The following C1orf115 variants were observed in gnomAD, a reference collection of about 807,000 sequenced individuals.
C1orf115 encodes required for drug-induced death protein 1.
C1orf115 carries 14 observed loss-of-function variants against 12.5 expected under a neutral mutation model. That is an observed-to-expected ratio of 1.12 (90% CI 0.74 to 1.75). C1orf115 has a LOEUF of 1.75. C1orf115 is among the 40% of genes most tolerant of loss of function. The pLI, the probability that C1orf115 is intolerant of heterozygous loss-of-function variation, is 0.00. For missense variants in C1orf115, 237 were observed against 220.8 expected, an observed-to-expected ratio of 1.07 and a Z score of -0.46; for synonymous variants, 109 against 104.6, an observed-to-expected ratio of 1.04 and a Z score of -0.26.
rs745484837 is a variant in C1orf115 at position 220,690,607 on chromosome 1, G to A, written c.205G>A (p.Val69Met). ...CCCGGGGACCCGGGGCGCGCGGAGG[G>A]TGCACTTCGCCCTCCTGCCCGAGCG... Reference protein sequence around the residue: ...RGPGTRGARRVHFALLPERYE... With the variant: ...RGPGTRGARRMHFALLPERYE... Residue 69 changes from valine (V) to methionine (M), a missense_variant, in exon 1 of 2, where the codon GTG becomes ATG. Transcript: ENST00000294889. The A allele has an allele frequency of 2.0e-6, 3 of 1,535,454 alleles. No individual in the cohort carries two copies. Among genetic ancestry groups the A allele is most frequent in the South Asian group, 1.2e-5 (1 of 83,408 alleles).
intron 1 of C1orf115, among the ~76,000 whole-genome samples, chr1:220,693,716 G>C (rs1452115126): frequency 6.6e-6 from 1 of 152,130 alleles, no homozygotes; most frequent in Non-Finnish European, 1.5e-5. Flanking sequence ...ACATGCTCAG[G>C]ATACAGTAAT....
chr1:220,691,273 G>A (rs1388151979), intron 1 of C1orf115, among the ~76,000 whole-genome samples: 1 of 152,046 alleles, frequency 6.6e-6, no homozygotes, highest in Admixed American at 6.6e-5. Context: ...GTACTCTGGG[G>A]CCTTCAAAAC....
At chr1:220,693,113 C>T (rs1291930609) in intron 1 of C1orf115, among the ~76,000 whole-genome samples, 5 of 152,178 alleles carry the variant, frequency 3.3e-5, no homozygotes, top group Admixed American at 2.0e-4. Context: ...GAGACCCCAG[C>T]TCCCCTCTGA....
chr1:220,694,015 G>A (rs1670150193), intron 1 of C1orf115, among the ~76,000 whole-genome samples: 1 of 147,064 alleles, frequency 6.8e-6, no homozygotes, highest in South Asian at 2.2e-4. Context: ...GGGAGGTGGA[G>A]GTTGCAGTGA....
At chr1:220,696,094 A>G (rs1276860092) in intron 1 of C1orf115, among the ~76,000 whole-genome samples, 1 of 152,164 alleles carries the variant, frequency 6.6e-6, no homozygotes, top group African/African-American at 2.4e-5. Context: ...TTACATAGAT[A>G]TAGCAATTAG....
At chr1:220,693,386 G>T (rs748945106) in intron 1 of C1orf115, among the ~76,000 whole-genome samples, 6 of 152,102 alleles carry the variant, frequency 3.9e-5, no homozygotes, top group Non-Finnish European at 8.8e-5. Flanking sequence ...TTTAATGCAG[G>T]CGATTGTCAT....
chr1:220,691,355 G>A (rs961347599), intron 1 of C1orf115, among the ~76,000 whole-genome samples: 2 of 152,154 alleles, frequency 1.3e-5, no homozygotes, highest in Non-Finnish European at 2.9e-5. Flanking sequence ...TTTCCTTCGC[G>A]GAAATCAAAG....
At position 220,699,000 on chromosome 1, in the gene C1orf115, C is replaced by G. The variant is rs1355420181; in HGVS notation, c.*2269C>G. ...ATTGTGTCACAGATTACCTTTTTACCTTTTCTTTCTTTTTTTTTCTTTTTT... is the reference window on the plus strand; with the variant it reads ...ATTGTGTCACAGATTACCTTTTTACGTTTTCTTTCTTTTTTTTTCTTTTTT... On this transcript the variant is annotated 3_prime_UTR_variant, in exon 2 of 2. Coordinates refer to ENST00000294889, the MANE Select transcript of C1orf115 (RefSeq NM_024709.5). The G allele has an allele frequency of 1.3e-5, 2 of 152,060 alleles. No individual in the cohort carries two copies. The highest frequency in any genetic ancestry group is 2.1e-4 in the South Asian group (1 of 4,818). The allele number at this position is 152,060 out of a possible 1,614,324, so 9.4% of individuals were successfully genotyped here.
rs1294576673 is a variant in C1orf115, at chr1:220,698,880, A to G, written c.*2149A>G. ...GGAGTCAGGTTCACGGGTACAGAAG[A>G]TGAATCTCAGATGTCACTCAACCTG... On this transcript the variant is annotated 3_prime_UTR_variant, in exon 2 of 2. Coordinates refer to ENST00000294889, the MANE Select transcript of C1orf115 (RefSeq NM_024709.5). The G allele has an allele frequency of 6.6e-6, 1 of 152,214 alleles. No individual in the cohort carries two copies. Among genetic ancestry groups the G allele is most frequent in the African/African-American group, 2.4e-5 (1 of 41,450 alleles). 9.4% of individuals were successfully genotyped at this position (152,214 alleles called of 1,614,324 possible).
In C1orf115 at chr1:220,690,712, G is replaced by A. The variant is rs1230430886; in HGVS notation, c.309+1G>A. The A allele has an allele frequency of 6.3e-7, 1 of 1,584,134 alleles. No homozygotes were observed. Among genetic ancestry groups the A allele is most frequent in the Non-Finnish European group, 8.6e-7 (1 of 1,166,712 alleles). On this transcript the variant is annotated splice_donor_variant, in intron 1 of 1. Transcript: ENST00000294889. LOFTEE classifies it high-confidence loss of function. ...GAGGAAGCTGAAGAAGTACGGCAAG[G>A]TAGGGGCCCTGCGCCACCACTGCCC...
chr1:220,690,434 CG>C lies in C1orf115; in HGVS notation c.34del (p.Glu12ArgfsTer87). 6.9e-7 allele frequency: 1 copy of C among 1,442,794 alleles called. No homozygotes were observed. The highest frequency in any genetic ancestry group is 1.4e-5 in the South Asian group (1 of 71,162). The allele number at this position is 1,442,794 out of a possible 1,614,324, so 89.4% of individuals were successfully genotyped here. ...GTGGGAGCCAGGCTCCGAAGCAAGG[CG>C]GAGAGCAGCCTCCTGCGCCGCGGGC... is the stretch of plus-strand genomic sequence containing the variant. Reference protein sequence around the residue: MTVGARLRSKAESSLLRRGPR... With the variant: MTVGARLRSKXESSLLRRGPR... On this transcript the variant is annotated frameshift_variant, in exon 1 of 2. Transcript: ENST00000294889. LOFTEE classifies it high-confidence loss of function.
Position 220,696,798 on chromosome 1 carries a change from C to A in C1orf115, c.*67C>A. On this transcript the variant is annotated 3_prime_UTR_variant, in exon 2 of 2. Transcript: ENST00000294889. ...CCCTGCTGTGGGAACTTTGTGAATC[C>A]TGGAGCATCTCAGACTTGAACACAC... is the stretch of plus-strand genomic sequence containing the variant. The A allele has an allele frequency of 6.6e-7, 1 of 1,520,508 alleles. No homozygotes were observed. 94.2% of individuals were successfully genotyped at this position (1,520,508 alleles called of 1,614,324 possible).
intron 1 of C1orf115, 72 bp from the exon 2 acceptor site, chr1:220,696,540 T>C (rs1371752564): frequency 2.7e-6 from 4 of 1,471,660 alleles, no homozygotes; most frequent in East Asian, 2.3e-5. Flanking sequence ...TCATTTTTTT[T>C]CATGAAAGAT....
chr1:220,694,204 T>C (rs969794185), intron 1 of C1orf115, among the ~76,000 whole-genome samples: 1 of 151,884 alleles, frequency 6.6e-6, no homozygotes, highest in Admixed American at 6.6e-5. Flanking sequence ...CAAACCTAAA[T>C]TGCTATGTAA....
Position 220,690,498 on chromosome 1 carries a change from G to T in C1orf115, c.96G>T (p.Ala32=). Reference sequence around the variant, plus strand: ...GGCGAACCGAGGGGGACGAGGAGGCGGCCGCCATCCTGGAGCACCTGGAGT... The same window carrying T: ...GGCGAACCGAGGGGGACGAGGAGGCTGCCGCCATCCTGGAGCACCTGGAGT... ...GRGRTEGDEE[A]AAILEHLEYA... The change falls in exon 1 of 2, where the codon GCG becomes GCT. Residue 32 remains alanine, a synonymous_variant. Transcript: ENST00000294889. 7.0e-7 allele frequency: 1 copy of T among 1,433,964 alleles called. No homozygotes were observed. Among genetic ancestry groups the T allele is most frequent in the Non-Finnish European group, 9.1e-7 (1 of 1,099,876 alleles). 88.8% of individuals were successfully genotyped at this position (1,433,964 alleles called of 1,614,324 possible).
intron 1 of C1orf115, among the ~76,000 whole-genome samples, chr1:220,693,450 A>G (rs1670142673): frequency 6.6e-6 from 1 of 152,210 alleles, no homozygotes; most frequent in Admixed American, 6.5e-5. Context: ...TTCCCAGAGA[A>G]TATGTTTTTC....
At chr1:220,690,928 C>T (rs891952007) in intron 1 of C1orf115, among the ~76,000 whole-genome samples, 6 of 152,178 alleles carry the variant, frequency 3.9e-5, no homozygotes, top group African/African-American at 7.2e-5. Context: ...CCTGCTGTGC[C>T]TGCTATTGCG....
intron 1 of C1orf115, 58 bp from the exon 2 acceptor site, chr1:220,696,554 A>G (rs1670196693): frequency 1.4e-6 from 2 of 1,479,304 alleles, no homozygotes; most frequent in Non-Finnish European, 1.8e-6. Flanking sequence ...GAAAGATGGC[A>G]GAATTAAAAA....
At position 220,690,786 on chromosome 1, in the gene C1orf115, A is replaced by G; in HGVS notation, c.309+75A>G. 6 of 1,489,556 alleles carry G rather than the reference A, an allele frequency of 4.0e-6. No homozygotes were observed. The South Asian group carries it at 5.0e-5, about 12-fold the overall frequency. 92.3% of individuals were successfully genotyped at this position (1,489,556 alleles called of 1,614,324 possible). On this transcript the variant is annotated intron_variant, in intron 1 of 1. Coordinates refer to ENST00000294889, the MANE Select transcript of C1orf115 (RefSeq NM_024709.5). ...GCGGGGGAGCGGGAGCCGGGTCCTT[A>G]CCATCGACTCACCCAGTTTCTCCGG...
Sources: allele counts gnomAD v4.1 joint callset (sites outside exome capture counted in the v4.1 genomes callset), GRCh38; gene constraint gnomAD v4.1.1; transcripts MANE v1.5; gene names NCBI Gene and HGNC (gene_info 2026-07-23, HGNC 2026-07-21).